RFX5: variants seen among roughly 807,000 people sequenced by gnomAD.
The protein encoded by RFX5 is regulatory factor X5, also known as DNA-binding protein RFX5.
In RFX5, 30 loss-of-function variants were observed where a neutral mutation model predicts 41.2. The observed-to-expected ratio is 0.73, with a 90% confidence interval of 0.54 to 0.99. The LOEUF (loss-of-function observed/expected upper bound fraction) is 0.99. Among genes scored for constraint, RFX5 ranks in the 50% least tolerant of loss-of-function variants. The pLI is 0.00. For missense variants in RFX5, 715 were observed against 773.6 expected (o/e 0.92, Z 0.90); for synonymous variants, 231 against 291.8 (o/e 0.79, Z 2.12).
In RFX5 at chr1:151,343,684, C is replaced by G. The variant is rs1650724236; in HGVS notation, c.754G>C (p.Ala252Pro). ...ACATAAGAGAGGGTCAACACACCAG[C>G]GAGCCCCATGGCCTTAAGCACATGG... The part of the protein sequence containing the change: ...HAHVLKAMGL[A>P]EEDEHAPRER... The change falls in exon 9 of 11, where the codon GCT (alanine) becomes CCT (proline). Residue 252 changes from alanine (A) to proline (P), a missense_variant. Ala to Pro is a conservative substitution (Grantham distance 27). Coordinates refer to ENST00000452671, the MANE Select transcript of RFX5 (RefSeq NM_001025603.2). 1.2e-5 allele frequency: 19 copies of G among 1,613,752 alleles called. No individual in the cohort carries two copies. The highest frequency in any genetic ancestry group is 1.6e-5 in the Non-Finnish European group (19 of 1,179,916).
Position 151,345,916 on chromosome 1 carries a change from CA to C in RFX5, c.150+11del, listed in dbSNP as rs1340809725. ...TCCATCCCTCTCTTGCCCTCTTCCC[CA>C]ACACACTTACCAGGATCCCCTCTAC... is the stretch of plus-strand genomic sequence containing the variant. On this transcript the variant is annotated intron_variant, in intron 4 of 10. Coordinates refer to ENST00000452671, the MANE Select transcript of RFX5 (RefSeq NM_001025603.2). 1 of 1,614,144 alleles carries C rather than the reference CA, an allele frequency of 6.2e-7. No individual in the cohort carries two copies. The highest frequency in any genetic ancestry group is 1.7e-5 in the Admixed American group (1 of 60,008).
chr1:151,341,284 C>T lies in RFX5; in HGVS notation c.*902G>A, dbSNP rs1411755220. 2.0e-5 allele frequency: 3 copies of T among 152,128 alleles called. No homozygotes were observed. Among genetic ancestry groups the T allele is most frequent in the East Asian group, 1.9e-4 (1 of 5,200 alleles). The allele number at this position is 152,128 out of a possible 1,614,324, so 9.4% of individuals were successfully genotyped here. A position where few individuals can be genotyped will look rare whatever the true frequency, so the allele number is the denominator to read the frequency against. On this transcript the variant is annotated 3_prime_UTR_variant, in exon 11 of 11. Coordinates refer to ENST00000452671, the MANE Select transcript of RFX5 (RefSeq NM_001025603.2). ...CTCTCCTTCCTTCTGAGACTAGAAA[C>T]GAGGAAAGAGGCTACAGCTTGTATT...
At position 151,344,766 on chromosome 1, in the gene RFX5, G is replaced by A. The variant is rs1650854499; in HGVS notation, c.315C>T (p.Asp105=). 1.9e-6 allele frequency: 3 copies of A among 1,612,196 alleles called. No individual in the cohort carries two copies. The highest frequency in any genetic ancestry group is 2.5e-6 in the Non-Finnish European group (3 of 1,179,164). ...AAACACTTTGCTTTGGCAGACAGGT[G>A]TCAGTGTGCTCTTCCAGGTGGTTGC... is the stretch of plus-strand genomic sequence containing the variant. The part of the protein sequence containing the change: ...WIRNHLEEHT[D]TCLPKQSVYD... The change falls in exon 6 of 11, where the codon GAC becomes GAT. Residue 105 remains aspartate, a synonymous_variant. Transcript: ENST00000452671.
In RFX5 at chr1:151,346,229, A is replaced by G; in HGVS notation, c.92T>C (p.Leu31Pro). ...CGAAATGGTACCTCGGAGCCTCTGA[A>G]GAAGGGTGGTAGGTTCCCCAGCCTC... ...GAEAGEPTTLLQRLRGTISKA... is the reference protein window; with the variant it reads ...GAEAGEPTTLPQRLRGTISKA... The change falls in exon 3 of 11, where the codon CTT becomes CCT. Residue 31 changes from leucine to proline, a missense_variant. Coordinates refer to ENST00000452671, the MANE Select transcript of RFX5 (RefSeq NM_001025603.2). 6.2e-7 allele frequency: 1 copy of G among 1,614,202 alleles called. No homozygotes were observed.
At position 151,343,434 on chromosome 1, in the gene RFX5, C is replaced by T. The variant is rs779122234; in HGVS notation, c.766G>A (p.Glu256Lys). ...LKAMGLAEEDEHAPRERSSKP... is the reference protein window; with the variant it reads ...LKAMGLAEEDKHAPRERSSKP... ...GATGACCGTTCCCGAGGTGCATGTT[C>T]GTCCTCTTCTGCAGAGGTACCAAAA... Residue 256 changes from glutamate (E) to lysine (K), a missense_variant, in exon 10 of 11, where the codon GAA becomes AAA. By Grantham distance (56) the Glu-to-Lys change is moderately conservative. Coordinates refer to ENST00000452671, the MANE Select transcript of RFX5 (RefSeq NM_001025603.2). 26 of 1,613,832 alleles carry T rather than the reference C, an allele frequency of 1.6e-5. 1 individual carries two copies. In the East Asian group the frequency reaches 2.9e-4, roughly 18 times the overall value.
chr1:151,342,031 CA>C lies in RFX5; in HGVS notation c.*154del. ...AGCTGAAAAGGTCAGAGGCAGCAAC[CA>C]GGTACTAAGTAGACTGGGTGACTCA... is the stretch of plus-strand genomic sequence containing the variant. On this transcript the variant is annotated 3_prime_UTR_variant, in exon 11 of 11. Coordinates refer to ENST00000452671, the MANE Select transcript of RFX5 (RefSeq NM_001025603.2). The C allele has an allele frequency of 5.7e-6, 6 of 1,058,006 alleles. No individual in the cohort carries two copies. The highest frequency in any genetic ancestry group is 7.2e-6 in the Non-Finnish European group (5 of 690,474). 65.5% of individuals were successfully genotyped at this position (1,058,006 alleles called of 1,614,324 possible). A position where few individuals can be genotyped will look rare whatever the true frequency, so the allele number is the denominator to read the frequency against.
chr1:151,345,611 CAA>C (rs5777769), intron 4 of RFX5, among the ~76,000 whole-genome samples: 95 of 104,182 alleles, frequency 9.1e-4, no homozygotes, highest in Admixed American at 9.0e-4. Flanking sequence ...GACTCCATCT[CAA>C]AAAAAAAAAA....
intron 1 of RFX5, 79 bp from the exon 2 acceptor site, chr1:151,346,685 C>G: frequency 3.7e-6 from 1 of 270,434 alleles, no homozygotes; most frequent in Non-Finnish European, 7.3e-6. Context: ...CCATACTGCC[C>G]TCCTCCCCCT....
In RFX5 at chr1:151,344,761, C is replaced by G. The variant is rs1309670347; in HGVS notation, c.320G>C (p.Cys107Ser). ...RNHLEEHTDT[C>S]LPKQSVYDAY... ...ATCATAAACACTTTGCTTTGGCAGA[C>G]AGGTGTCAGTGTGCTCTTCCAGGTG... is the stretch of plus-strand genomic sequence containing the variant. The change falls in exon 6 of 11, where the codon TGT (cysteine) becomes TCT (serine). Residue 107 changes from cysteine to serine, a missense_variant. By Grantham distance (112) the Cys-to-Ser change is moderately radical. Coordinates refer to ENST00000452671, the MANE Select transcript of RFX5 (RefSeq NM_001025603.2). 6.4e-7 allele frequency: 1 copy of G among 1,569,514 alleles called. No individual in the cohort carries two copies. The highest frequency in any genetic ancestry group is 8.7e-7 in the Non-Finnish European group (1 of 1,151,890).
At position 151,342,459 on chromosome 1, in the gene RFX5, CT is replaced by C; in HGVS notation, c.1577del (p.Lys526ArgfsTer40). On this transcript the variant is annotated frameshift_variant, in exon 11 of 11. Coordinates refer to ENST00000452671, the MANE Select transcript of RFX5 (RefSeq NM_001025603.2). LOFTEE classifies it high-confidence loss of function. ...ERPGPMGEAE[K>X]GAVLAQGQGD... The stretch of plus-strand genomic sequence containing the variant: ...CCTGACCCTGGGCAAGTACTGCCCC[CT>C]TTTCAGCCTCTCCCATTGGCCCTGG... 6.2e-7 allele frequency: 1 copy of C among 1,614,214 alleles called. No individual in the cohort carries two copies. Among genetic ancestry groups the C allele is most frequent in the Non-Finnish European group, 8.5e-7 (1 of 1,180,048 alleles).
At chr1:151,344,703 T>TCC in intron 6 of RFX5, 25 bp downstream of exon 6, 59 of 1,515,558 alleles carry the variant, frequency 3.9e-5, no homozygotes, top group Non-Finnish European at 5.2e-5. Flanking sequence ...AATCCACTCA[T>TCC]CCCACCACCC....
At chr1:151,346,121 CAGTTCATCTACAGCCA>C (rs1217463735) in intron 3 of RFX5, 68 bp downstream of exon 3, 1 of 1,553,818 alleles carries the variant, frequency 6.4e-7, no homozygotes, top group African/African-American at 1.4e-5. Flanking sequence ...TGCTGAGAGG[CAGTTCATCTACAGCCA>C]AAGTGAAGTG....
At chr1:151,343,934 C>A in intron 8 of RFX5, 52 bp from the exon 9 acceptor site, 2 of 1,582,290 alleles carry the variant, frequency 1.3e-6, no homozygotes, top group South Asian at 1.1e-5. Flanking sequence ...AGAACCCTTG[C>A]CTCCTCTCTT....
At position 151,343,057 on chromosome 1, in the gene RFX5, G is replaced by A; in HGVS notation, c.980C>T (p.Ala327Val). 2 of 1,613,636 alleles carry A rather than the reference G, an allele frequency of 1.2e-6. No homozygotes were observed. The highest frequency in any genetic ancestry group is 1.7e-5 in the Admixed American group (1 of 60,034). The change falls in exon 11 of 11, where the codon GCT becomes GTT. Residue 327 changes from alanine (A) to valine (V), a missense_variant. Physicochemically the swap from Ala to Val is moderately conservative, Grantham distance 64 (BLOSUM62 0). Coordinates refer to ENST00000452671, the MANE Select transcript of RFX5 (RefSeq NM_001025603.2). ...CCGGGGAAGGAGCAGAGGCAGCCGA[G>A]CCACTAGGGCATTAACCTGCAGGTT... ...ANNLQVNALVARLPLLLPRAP... is the reference protein window; with the variant it reads ...ANNLQVNALVVRLPLLLPRAP...
intron 4 of RFX5, 151 bp downstream of exon 4, chr1:151,345,777 A>T: frequency 9.5e-7 from 1 of 1,048,388 alleles, no homozygotes; most frequent in Non-Finnish European, 1.5e-6. Flanking sequence ...ACAAAGTCAA[A>T]CTGGCAGCAA....
At chr1:151,344,707 A>ACCCCCCCCCC in intron 6 of RFX5, 21 bp downstream of exon 6, 6 of 850,492 alleles carry the variant, frequency 7.1e-6, no homozygotes, top group Non-Finnish European at 1.1e-5. Context: ...CACTCATCCC[A>ACCCCCCCCCC]CCACCCACCC....
At chr1:151,344,703 T>TGGCC in intron 6 of RFX5, 25 bp downstream of exon 6, 1 of 1,515,632 alleles carries the variant, frequency 6.6e-7, no homozygotes, top group Non-Finnish European at 8.9e-7. Context: ...AATCCACTCA[T>TGGCC]CCCACCACCC....
At chr1:151,344,561 G>T in intron 6 of RFX5, 25 bp from the exon 7 acceptor site, 1 of 1,614,128 alleles carries the variant, frequency 6.2e-7, no homozygotes, top group Non-Finnish European at 8.5e-7. Context: ...AGCAGAGTGG[G>T]AAGATACTCA....
In RFX5 at chr1:151,342,374, CT is replaced by C; in HGVS notation, c.1662del (p.Glu555LysfsTer11). The C allele has an allele frequency of 6.2e-7, 1 of 1,614,196 alleles. No homozygotes were observed. The highest frequency in any genetic ancestry group is 8.5e-7 in the Non-Finnish European group (1 of 1,180,042). On this transcript the variant is annotated frameshift_variant, in exon 11 of 11. Transcript: ENST00000452671. LOFTEE classifies it high-confidence loss of function. ...RGPGSQHTKE[A>X]EDKIPLVPSK... ...GAGGGGACCAAGGGAATTTTATCTT[CT>C]GCTTCTTTGGTATGCTGGGAACCGG...
Sources: gnomAD v4.1 joint callset for allele counts (sites outside exome capture counted in the v4.1 genomes callset) on GRCh38, gnomAD v4.1.1 for gene constraint, MANE v1.5 for transcripts, NCBI Gene and HGNC (gene_info 2026-07-23, HGNC 2026-07-21) for gene names.